The following MTPN variants were observed in gnomAD, a reference collection of about 807,000 sequenced individuals.
MTPN encodes the protein myotrophin, also known as granule cell differentiation protein.
In MTPN, 2 loss-of-function variants were observed where a neutral mutation model predicts 13.5. The observed-to-expected ratio is 0.15, with a 90% CI of 0.06 to 0.47. The LOEUF (loss-of-function observed/expected upper bound fraction) is 0.47, where lower values mean the gene tolerates loss of function less well. MTPN is among the 20% of genes least tolerant of loss of function. The pLI, the probability that MTPN is intolerant of heterozygous loss-of-function variation, is 0.97. For missense variants in MTPN, 79 were observed against 137.9 expected, an observed-to-expected ratio of 0.57 and a Z score of 2.14; for synonymous variants, 46 against 51.7, an observed-to-expected ratio of 0.89 and a Z score of 0.48.
At chr7:135,945,992 A>C (rs776151804) in intron 3 of MTPN, among the ~76,000 whole-genome samples, 13 of 152,242 alleles carry the variant, frequency 8.5e-5, no homozygotes, top group Non-Finnish European at 1.6e-4. Context: ...GAACAACTAT[A>C]ACATGCTAAT....
At chr7:135,937,448 A>G (rs1799133563) in intron 3 of MTPN, among the ~76,000 whole-genome samples, 1 of 151,960 alleles carries the variant, frequency 6.6e-6, no homozygotes, top group Admixed American at 6.6e-5. Context: ...AGTCAACTAC[A>G]TATATAGTCA....
rs779296906 is a variant in MTPN at position 135,972,231 on chromosome 7, G to GCGCGCGCGCACACACACACACA, written c.72+4797_72+4798insTGTGTGTGTGTGTGCGCGCGCG. Among the ~76,000 whole-genome samples, 556 of 124,670 alleles carry GCGCGCGCGCACACACACACACA rather than the reference G, an allele frequency of 4.5e-3. 6 individuals carry two copies. The highest frequency in any genetic ancestry group is 0.016 in the African/African-American group (527 of 33,302). The allele number at this position is 124,670 out of a possible 152,430, so 81.8% of individuals were successfully genotyped here. A position where few individuals can be genotyped will look rare whatever the true frequency, so the allele number is the denominator to read the frequency against. ...CACACGCGCACACGCGCACGCGCGC[G>GCGCGCGCGCACACACACACACA]CACACACACACACACACACACACAC... On this transcript the variant is annotated intron_variant, in intron 1 of 3. Coordinates refer to ENST00000393085, the MANE Select transcript of MTPN (RefSeq NM_145808.4).
At chr7:135,966,329 C>T (rs924514413) in intron 1 of MTPN, among the ~76,000 whole-genome samples, 23 of 152,086 alleles carry the variant, frequency 1.5e-4, no homozygotes, top group Admixed American at 1.3e-3. Flanking sequence ...GCAAAAACAG[C>T]TGGCATTACA....
At chr7:135,931,364 C>T (rs4732161) in intron 3 of MTPN, among the ~76,000 whole-genome samples, 2,776 of 152,132 alleles carry the variant, frequency 0.018, 115 homozygotes, top group East Asian at 0.17. Flanking sequence ...GAAAGTCTTC[C>T]GGGATGAGGT....
chr7:135,956,483 G>C (rs1208359564), intron 1 of MTPN, among the ~76,000 whole-genome samples: 1 of 152,132 alleles, frequency 6.6e-6, no homozygotes, highest in African/African-American at 2.4e-5. Flanking sequence ...ACTTTCCACA[G>C]ATACTATTTT....
chr7:135,972,503 T>C (rs75029483), intron 1 of MTPN, among the ~76,000 whole-genome samples: 8,201 of 152,330 alleles, frequency 0.054, 285 homozygotes, highest in East Asian at 0.094. Context: ...CTGTAATTAA[T>C]GAAGTATGCT....
At chr7:135,964,930 G>A (rs1391134077) in intron 1 of MTPN, among the ~76,000 whole-genome samples, 3 of 151,924 alleles carry the variant, frequency 2.0e-5, no homozygotes, top group Non-Finnish European at 2.9e-5. Context: ...ACGGCTCATG[G>A]GTCAAAGCCA....
chr7:135,948,855 C>G (rs1456061465), intron 3 of MTPN, among the ~76,000 whole-genome samples: 2 of 151,840 alleles, frequency 1.3e-5, no homozygotes, highest in African/African-American at 4.8e-5. Context: ...GACAAGGGAC[C>G]TAAGCAAAAA....
rs1798965694 is a variant in MTPN at position 135,928,540 on chromosome 7, T to C, written c.*1386A>G. ...TACATTCAATTATTGCATGACTTGG[T>C]CTTAATATTTTTAGCAAGCTTATAT... On this transcript the variant is annotated 3_prime_UTR_variant, in exon 4 of 4. Coordinates refer to ENST00000393085, the MANE Select transcript of MTPN (RefSeq NM_145808.4). The C allele has an allele frequency of 6.0e-6, 1 of 166,936 alleles. No individual in the cohort carries two copies. The highest frequency in any genetic ancestry group is 2.1e-4 in the South Asian group (1 of 4,818). 10.3% of individuals were successfully genotyped at this position (166,936 alleles called of 1,614,324 possible).
chr7:135,951,256 T>G (rs1004640066), intron 2 of MTPN, among the ~76,000 whole-genome samples: 2 of 152,080 alleles, frequency 1.3e-5, no homozygotes, highest in African/African-American at 2.4e-5. Context: ...TCCCCAAGCT[T>G]TAGAACTTGA....
rs1415264950 is a variant in MTPN, at chr7:135,966,087, T to C, written c.72+10942A>G. On this transcript the variant is annotated intron_variant, in intron 1 of 3. Coordinates refer to ENST00000393085, the MANE Select transcript of MTPN (RefSeq NM_145808.4). ...ACCAAATCAGACTGATTAATAGACA[T>C]GTAATACATTAACAGATATTAAAAG... Among the ~76,000 whole-genome samples, 10 of 152,196 alleles carry C rather than the reference T, an allele frequency of 6.6e-5. No individual in the cohort carries two copies. In the East Asian group the frequency reaches 7.7e-4, roughly 12 times the overall value.
intron 3 of MTPN, among the ~76,000 whole-genome samples, chr7:135,940,866 A>G (rs36013988): frequency 0.016 from 2,459 of 151,352 alleles, 32 homozygotes; most frequent in African/African-American, 0.038. Flanking sequence ...TTTCATAGAC[A>G]CTCAATTCAC....
rs1414881817 is a variant in MTPN at position 135,926,906 on chromosome 7, CAA to C, written c.*3018_*3019del. The C allele has an allele frequency of 1.9e-5, 3 of 155,880 alleles. No homozygotes were observed. The highest frequency in any genetic ancestry group is 4.3e-5 in the Non-Finnish European group (3 of 70,344). 9.7% of individuals were successfully genotyped at this position (155,880 alleles called of 1,614,324 possible). On this transcript the variant is annotated 3_prime_UTR_variant, in exon 4 of 4. Transcript: ENST00000393085. Reference sequence around the variant, plus strand: ...TATGACATTGTGGAAAAAATGAACTCAAATATATCAAAATGCACAAAGCACTA... The same window carrying C: ...TATGACATTGTGGAAAAAATGAACTCATATATCAAAATGCACAAAGCACTA...
intron 1 of MTPN, chr7:135,960,899 C>T (rs1393988137): frequency 6.6e-6 from 1 of 151,376 alleles, no homozygotes; most frequent in Non-Finnish European, 1.5e-5. Flanking sequence ...GACATGGGCT[C>T]AATAAGTAAG....
At position 135,928,240 on chromosome 7, in the gene MTPN, C is replaced by T. The variant is rs1384639779; in HGVS notation, c.*1686G>A. The T allele has an allele frequency of 6.0e-6, 1 of 167,246 alleles. No homozygotes were observed. The highest frequency in any genetic ancestry group is 1.5e-5 in the Non-Finnish European group (1 of 68,422). 10.4% of individuals were successfully genotyped at this position (167,246 alleles called of 1,614,324 possible). The stretch of plus-strand genomic sequence containing the variant: ...GATGTAGGAAAATTACAGGGTTAGG[C>T]TAGTTGTAAGTGAAAAAGCCACAGG... On this transcript the variant is annotated 3_prime_UTR_variant, in exon 4 of 4. Coordinates refer to ENST00000393085, the MANE Select transcript of MTPN (RefSeq NM_145808.4).
At chr7:135,970,448 A>C (rs1251006855) in intron 1 of MTPN, among the ~76,000 whole-genome samples, 1 of 152,050 alleles carries the variant, frequency 6.6e-6, no homozygotes, top group Admixed American at 6.6e-5. Flanking sequence ...ATTTTGGCCA[A>C]TTTTTGTCTT....
At position 135,935,532 on chromosome 7, in the gene MTPN, G is replaced by A. The variant is rs565288535; in HGVS notation, c.271-5520C>T. ...TGGGATCACAGGCGTGAGCCACTGC[G>A]CCCGGCCTTTTTTATTACACAACTC... On this transcript the variant is annotated intron_variant, in intron 3 of 3. Coordinates refer to ENST00000393085, the MANE Select transcript of MTPN (RefSeq NM_145808.4). 2.9e-4 allele frequency among the ~76,000 whole-genome samples: 44 copies of A among 152,244 alleles called. No homozygotes were observed. The South Asian group carries it at 6.2e-3, about 22-fold the overall frequency.
chr7:135,952,684 G>A lies in MTPN; in HGVS notation c.73-1054C>T, dbSNP rs138982535. On this transcript the variant is annotated intron_variant, in intron 1 of 3. Coordinates refer to ENST00000393085, the MANE Select transcript of MTPN (RefSeq NM_145808.4). ...CAAAACATCCTATATTCTCTCAGCC[G>A]GGTGTGGTGGCTCACACCTGTAATC... is the stretch of plus-strand genomic sequence containing the variant. Among the ~76,000 whole-genome samples the A allele has an allele frequency of 2.3e-3, 355 of 152,200 alleles. 3 individuals carry two copies. The highest frequency in any genetic ancestry group is 4.0e-3 in the Non-Finnish European group (274 of 68,000).
At chr7:135,934,983 T>C (rs146577304) in intron 3 of MTPN, among the ~76,000 whole-genome samples, 16 of 152,330 alleles carry the variant, frequency 1.1e-4, no homozygotes, top group African/African-American at 3.4e-4. Flanking sequence ...TTACCTACTT[T>C]AAGTTCCATA....
Sources: gnomAD v4.1 joint callset for allele counts (sites outside exome capture counted in the v4.1 genomes callset) on GRCh38, gnomAD v4.1.1 for gene constraint, MANE v1.5 for transcripts, NCBI Gene and HGNC (gene_info 2026-07-23, HGNC 2026-07-21) for gene names.